SMURF1: variants seen among roughly 807,000 people sequenced by gnomAD.
The protein encoded by SMURF1 is SMAD specific E3 ubiquitin protein ligase 1.
Under a neutral mutation model 98.0 loss-of-function variants are expected in SMURF1, and 44 were observed. The ratio of observed to expected loss-of-function variants is 0.45; its 90% CI spans 0.35 to 0.58. The LOEUF (loss-of-function observed/expected upper bound fraction) is 0.58, where lower values mean the gene tolerates loss of function less well. SMURF1 is among the 20% of genes least tolerant of loss of function. The pLI is 0.00. For synonymous variants in SMURF1, 396 were observed against 374.9 expected (o/e 1.06, Z -0.65); for missense variants, 687 against 938.4 (o/e 0.73, Z 3.50).
chr7:99,081,867 G>A (rs1048487874), intron 1 of SMURF1, among the ~76,000 whole-genome samples: 1 of 152,204 alleles, frequency 6.6e-6, no homozygotes, highest in Admixed American at 6.5e-5. Flanking sequence ...TGGCCAGGCT[G>A]GTCTCGAACT....
At chr7:99,042,032 T>C (rs1208429977) in intron 12 of SMURF1, 86 bp downstream of exon 12, 3 of 1,093,810 alleles carry the variant, frequency 2.7e-6, no homozygotes, top group African/African-American at 3.1e-5. Flanking sequence ...CTACAACAAA[T>C]AGACCAAGGA....
chr7:99,113,643 A>T (rs1797372361), intron 1 of SMURF1, among the ~76,000 whole-genome samples: 1 of 152,122 alleles, frequency 6.6e-6, no homozygotes. Context: ...GATCGAGATC[A>T]TCCTGGCTAA....
intron 1 of SMURF1, among the ~76,000 whole-genome samples, chr7:99,070,843 G>A (rs1040805963): frequency 7.9e-5 from 12 of 151,982 alleles, no homozygotes; most frequent in South Asian, 2.1e-4. Flanking sequence ...TTTTGCAAGC[G>A]CCACAATGTG....
chr7:99,067,243 G>GC (rs1554441919), intron 1 of SMURF1, among the ~76,000 whole-genome samples: 2 of 151,450 alleles, frequency 1.3e-5, no homozygotes, highest in Non-Finnish European at 2.9e-5. Context: ...TGGTCCACCC[G>GC]CCTCGGCCTC....
intron 1 of SMURF1, among the ~76,000 whole-genome samples, chr7:99,134,859 A>G (rs186878271): frequency 3.9e-4 from 60 of 152,310 alleles, no homozygotes; most frequent in African/African-American, 1.2e-3. Flanking sequence ...AACAAGATCT[A>G]GAGTCCAAAT....
At chr7:99,057,750 A>G (rs1452742965) in intron 3 of SMURF1, among the ~76,000 whole-genome samples, 199 bp from the exon 4 acceptor site, 1 of 151,736 alleles carries the variant, frequency 6.6e-6, no homozygotes, top group Non-Finnish European at 1.5e-5. Context: ...GGCGTGCATC[A>G]CCATGCCTGG....
At chr7:99,030,999 A>T (rs1794856803) in intron 17 of SMURF1, 1 of 241,632 alleles carries the variant, frequency 4.1e-6, no homozygotes. Flanking sequence ...ACACACAGTA[A>T]AGTAAGTCTT....
At chr7:99,065,107 T>G (rs1277926397) in intron 1 of SMURF1, among the ~76,000 whole-genome samples, 2 of 152,210 alleles carry the variant, frequency 1.3e-5, no homozygotes, top group African/African-American at 4.8e-5. Context: ...TTTTTTTTTT[T>G]TCTTTTTTGA....
At chr7:99,119,610 G>T (rs145980685) in intron 1 of SMURF1, among the ~76,000 whole-genome samples, 1,525 of 152,274 alleles carry the variant, frequency 0.01, 21 homozygotes, top group Non-Finnish European at 0.013. Flanking sequence ...GGAAGGCTGT[G>T]TATGTGACAA....
In SMURF1 at chr7:99,060,697, G is replaced by C; in HGVS notation, c.105C>G (p.Asp35Glu). ...LAKKDFFRLPDPFAKIVVDGS... is the reference protein window; with the variant it reads ...LAKKDFFRLPEPFAKIVVDGS... Reference sequence around the variant, plus strand: ...CATCCACGACAATCTTTGCAAAAGGGTCAGGGAGCCCTAGAGGAGAGAGGA... The same window carrying C: ...CATCCACGACAATCTTTGCAAAAGGCTCAGGGAGCCCTAGAGGAGAGAGGA... The change falls in exon 3 of 18, where the codon GAC (aspartate) becomes GAG (glutamate). Residue 35 changes from aspartate (D) to glutamate (E), a missense_variant. Asp to Glu is a conservative substitution (Grantham distance 45). Coordinates refer to ENST00000361368, the MANE Select transcript of SMURF1 (RefSeq NM_181349.3). 1 of 1,613,518 alleles carries C rather than the reference G, an allele frequency of 6.2e-7. No individual in the cohort carries two copies. The highest frequency in any genetic ancestry group is 8.5e-7 in the Non-Finnish European group (1 of 1,179,708).
intron 1 of SMURF1, among the ~76,000 whole-genome samples, chr7:99,139,611 G>T (rs1391526960): frequency 6.6e-6 from 1 of 152,118 alleles, no homozygotes; most frequent in South Asian, 2.1e-4. Flanking sequence ...AATCCTGCTT[G>T]ATTTTTCAAT....
chr7:99,082,389 G>C (rs1796592860), intron 1 of SMURF1, among the ~76,000 whole-genome samples: 1 of 152,148 alleles, frequency 6.6e-6, no homozygotes. Context: ...TTTTCTCCTA[G>C]GAGTTCTTGA....
chr7:99,063,259 A>AAGAT (rs1391251395), intron 1 of SMURF1, among the ~76,000 whole-genome samples: 1 of 6,306 alleles, frequency 1.6e-4, no homozygotes, highest in Admixed American at 2.2e-3. Context: ...ATATATATAT[A>AAGAT]TATATATATA....
chr7:99,134,271 G>T (rs535728109), intron 1 of SMURF1, among the ~76,000 whole-genome samples: 2 of 150,744 alleles, frequency 1.3e-5, no homozygotes, highest in South Asian at 2.1e-4. Flanking sequence ...TCCTGGTTTT[G>T]ATATTATACC....
chr7:99,043,188 C>CAGTT (rs1795451006), intron 11 of SMURF1, among the ~76,000 whole-genome samples: 1 of 152,180 alleles, frequency 6.6e-6, no homozygotes, highest in African/African-American at 2.4e-5. Context: ...AAGATACAAT[C>CAGTT]AGTTCTGTTC....
At chr7:99,128,843 A>AT (rs1797800882) in intron 1 of SMURF1, among the ~76,000 whole-genome samples, 1 of 152,172 alleles carries the variant, frequency 6.6e-6, no homozygotes, top group South Asian at 2.1e-4. Flanking sequence ...CATGTCTCAT[A>AT]TTTTTTCTAA....
chr7:99,094,849 G>A (rs1250857152), intron 1 of SMURF1, among the ~76,000 whole-genome samples: 5 of 152,038 alleles, frequency 3.3e-5, no homozygotes, highest in South Asian at 2.1e-4. Flanking sequence ...TTTATGCCAC[G>A]CTGTCAAACA....
chr7:99,139,929 A>G (rs1193087426), intron 1 of SMURF1, among the ~76,000 whole-genome samples: 1 of 152,230 alleles, frequency 6.6e-6, no homozygotes, highest in African/African-American at 2.4e-5. Context: ...AATACACAAA[A>G]TTAATGCTTG....
At chr7:99,041,263 C>T (rs766204865) in intron 12 of SMURF1, among the ~76,000 whole-genome samples, 1 of 152,000 alleles carries the variant, frequency 6.6e-6, no homozygotes, top group Non-Finnish European at 1.5e-5. Context: ...CTAGCTGGGC[C>T]TGGTGGCAGG....
Sources: gnomAD v4.1 joint callset for allele counts (sites outside exome capture counted in the v4.1 genomes callset) on GRCh38, gnomAD v4.1.1 for gene constraint, MANE v1.5 for transcripts, NCBI Gene and HGNC (gene_info 2026-07-23, HGNC 2026-07-21) for gene names.